The following CEMIP variants were observed in gnomAD, a reference collection of about 807,000 sequenced individuals.
The protein encoded by CEMIP is cell migration inducing hyaluronidase 1.
Under a neutral mutation model 156.9 loss-of-function variants are expected in CEMIP, and 105 were observed. The observed-to-expected ratio is 0.67, with a 90% confidence interval of 0.57 to 0.79. The LOEUF (loss-of-function observed/expected upper bound fraction) is 0.79. CEMIP is among the 30% of genes least tolerant of loss of function. The pLI is 0.00. For synonymous variants in CEMIP, 676 were observed against 668.4 expected, an observed-to-expected ratio of 1.01 and a Z score of -0.17; for missense variants, 1,457 against 1,769.4, an observed-to-expected ratio of 0.82 and a Z score of 3.17.
chr15:80,933,497 T>C (rs536052993), intron 23 of CEMIP, 37 bp downstream of exon 23: 6 of 1,524,370 alleles, frequency 3.9e-6, no homozygotes, highest in East Asian at 2.3e-5. Context: ...CACTCACTTA[T>C]TCACTCATGC....
At chr15:80,809,105 A>G (rs562371139) in intron 1 of CEMIP, among the ~76,000 whole-genome samples, 2 of 152,352 alleles carry the variant, frequency 1.3e-5, no homozygotes, top group East Asian at 3.9e-4. Context: ...ATATTGAAAG[A>G]TTTAAAAATG....
At chr15:80,803,162 A>G (rs992384145) in intron 1 of CEMIP, among the ~76,000 whole-genome samples, 3 of 152,162 alleles carry the variant, frequency 2.0e-5, no homozygotes, top group South Asian at 2.1e-4. Context: ...TTCCTCGTGT[A>G]AAGAAACCAG....
At chr15:80,787,793 T>G (rs943186328) in intron 1 of CEMIP, among the ~76,000 whole-genome samples, 2 of 152,228 alleles carry the variant, frequency 1.3e-5, no homozygotes, top group African/African-American at 4.8e-5. Flanking sequence ...GGCTGCTGCC[T>G]GGGCTCTCAC....
At chr15:80,826,382 T>G (rs1180506284) in intron 1 of CEMIP, among the ~76,000 whole-genome samples, 1 of 152,200 alleles carries the variant, frequency 6.6e-6, no homozygotes, top group Non-Finnish European at 1.5e-5. Flanking sequence ...ACATCTTGCC[T>G]TAGGGTAAGC....
chr15:80,781,410 C>T (rs1895791828), intron 1 of CEMIP, among the ~76,000 whole-genome samples: 1 of 152,114 alleles, frequency 6.6e-6, no homozygotes, highest in African/African-American at 2.4e-5. Flanking sequence ...CTTTTTAGCC[C>T]AGTAGATGAC....
intron 1 of CEMIP, among the ~76,000 whole-genome samples, chr15:80,781,351 T>A (rs77430407): frequency 0.036 from 5,558 of 152,300 alleles, 331 homozygotes; most frequent in African/African-American, 0.13. Flanking sequence ...CTGATCCTAA[T>A]AGTTTTGTTC....
At chr15:80,788,455 G>T (rs1476643655) in intron 1 of CEMIP, among the ~76,000 whole-genome samples, 2 of 132,730 alleles carry the variant, frequency 1.5e-5, no homozygotes, top group African/African-American at 6.0e-5. Context: ...TGGGCAGCAA[G>T]AGTGAAACTC....
Position 80,920,117 on chromosome 15 carries a change from C to T in CEMIP, c.1821C>T (p.Asn607=), listed in dbSNP as rs774395916. ...AGATCAAGGACGTTGTGGGCTATAA[C>T]TCTTTGGGCCACTGCTTCTTCACGG... ...GLLIKDVVGY[N]SLGHCFFTED... Residue 607 remains asparagine, a synonymous_variant, in exon 15 of 30, where the codon AAC becomes AAT. Transcript: ENST00000394685. The T allele has an allele frequency of 1.3e-5, 21 of 1,614,112 alleles. No individual in the cohort carries two copies. In the East Asian group the frequency reaches 4.2e-4, roughly 33 times the overall value.
intron 14 of CEMIP, among the ~76,000 whole-genome samples, chr15:80,918,150 T>C (rs1900341931): frequency 6.6e-6 from 1 of 152,038 alleles, no homozygotes; most frequent in African/African-American, 2.4e-5. Context: ...TGGTGCAAAC[T>C]TGTAGTCCCA....
chr15:80,886,285 A>C (rs1898835250), intron 7 of CEMIP, among the ~76,000 whole-genome samples: 1 of 151,912 alleles, frequency 6.6e-6, no homozygotes, highest in African/African-American at 2.4e-5. Flanking sequence ...GCAGTATATG[A>C]GAGAGGCAAG....
chr15:80,795,698 C>T (rs1896206118), intron 1 of CEMIP, among the ~76,000 whole-genome samples: 1 of 152,106 alleles, frequency 6.6e-6, no homozygotes, highest in African/African-American at 2.4e-5. Context: ...CTTTGGGAGG[C>T]CAAGGTGGGA....
intron 1 of CEMIP, among the ~76,000 whole-genome samples, chr15:80,789,729 A>G (rs1403569387): frequency 6.6e-6 from 1 of 152,208 alleles, no homozygotes; most frequent in African/African-American, 2.4e-5. Flanking sequence ...TCTACATTTT[A>G]AAATCACAGT....
chr15:80,867,623 T>G (rs1314471427), intron 1 of CEMIP, among the ~76,000 whole-genome samples: 1 of 152,192 alleles, frequency 6.6e-6, no homozygotes, highest in African/African-American at 2.4e-5. Flanking sequence ...AAGGAGACTG[T>G]GCTGATGGCA....
chr15:80,791,433 G>A (rs998283719), intron 1 of CEMIP, among the ~76,000 whole-genome samples: 7 of 152,180 alleles, frequency 4.6e-5, no homozygotes, highest in Admixed American at 3.3e-4. Context: ...GGATAACTGC[G>A]CTGTCCGAAG....
intron 8 of CEMIP, 125 bp downstream of exon 8, chr15:80,887,889 T>C: frequency 2.4e-6 from 2 of 819,822 alleles, no homozygotes; most frequent in Non-Finnish European, 4.1e-6. Flanking sequence ...TCTAGATGAG[T>C]GAGCAGCCGC....
At chr15:80,806,996 G>A (rs1055388448) in intron 1 of CEMIP, among the ~76,000 whole-genome samples, 11 of 152,174 alleles carry the variant, frequency 7.2e-5, no homozygotes, top group African/African-American at 2.7e-4. Flanking sequence ...ACAACACAAA[G>A]CAACACAAGA....
Position 80,861,386 on chromosome 15 carries a change from G to A in CEMIP, c.-175-12152G>A, listed in dbSNP as rs145165361. On this transcript the variant is annotated intron_variant, in intron 1 of 29. Transcript: ENST00000394685. Reference sequence around the variant, plus strand: ...CAGACTCCTTAACTTTGCACTGAAGGTGCTTCATGAATGAACCCTGCACTA... The same window carrying A: ...CAGACTCCTTAACTTTGCACTGAAGATGCTTCATGAATGAACCCTGCACTA... Among the ~76,000 whole-genome samples, 133 of 152,280 alleles carry A rather than the reference G, an allele frequency of 8.7e-4. 4 individuals carry two copies. The East Asian group carries it at 0.023, about 26-fold the overall frequency.
rs1899786115 is a variant in CEMIP at position 80,906,009 on chromosome 15, G to T, written c.1412-654G>T. Among the ~76,000 whole-genome samples, 1 of 152,246 alleles carries T rather than the reference G, an allele frequency of 6.6e-6. No homozygotes were observed. Among genetic ancestry groups the T allele is most frequent in the Non-Finnish European group, 1.5e-5 (1 of 68,048 alleles). ...AATCTGGCTCTTTCTGGAGCCCCAG[G>T]CTGTAGATACACACTCTACATGAGG... is the stretch of plus-strand genomic sequence containing the variant. On this transcript the variant is annotated intron_variant, in intron 12 of 29. Transcript: ENST00000394685. This position sits in a 1 kb window ranked among gnomAD's most constrained non-coding sequence, Gnocchi z 4.3.
chr15:80,915,571 A>G (rs1357618138), intron 14 of CEMIP, among the ~76,000 whole-genome samples: 1 of 152,064 alleles, frequency 6.6e-6, no homozygotes, highest in Admixed American at 6.6e-5. Context: ...AAGAGATGGG[A>G]GGGAGAGGGG....
Sources: allele counts gnomAD v4.1 joint callset (sites outside exome capture counted in the v4.1 genomes callset), GRCh38; gene constraint gnomAD v4.1.1; non-coding constraint Gnocchi (gnomAD v3.1); transcripts MANE v1.5; gene names NCBI Gene and HGNC (gene_info 2026-07-23, HGNC 2026-07-21).